Variants in PPP3CA observed in about 807,000 individuals in gnomAD.
PPP3CA encodes the protein protein phosphatase 3 catalytic subunit alpha.
PPP3CA carries 14 observed loss-of-function variants against 66.5 expected under a neutral mutation model. That is an observed-to-expected ratio of 0.21 (90% CI 0.14 to 0.33). PPP3CA has a LOEUF of 0.33. Among genes scored for constraint, PPP3CA ranks in the 10% least tolerant of loss-of-function variants. The probability of loss-of-function intolerance (pLI) is 1.00; values close to 1 mark genes in which losing one functional copy is unlikely to be tolerated. For synonymous variants in PPP3CA, 232 were observed against 226.2 expected, an observed-to-expected ratio of 1.03 and a Z score of -0.23; for missense variants, 317 against 639.5, an observed-to-expected ratio of 0.50 and a Z score of 5.44.
chr4:101,331,148 T>G (rs1473946831), intron 1 of PPP3CA, among the ~76,000 whole-genome samples: 1 of 152,176 alleles, frequency 6.6e-6, no homozygotes, highest in Non-Finnish European at 1.5e-5. Context: ...TCTAATATAT[T>G]TGGCCTCATC....
chr4:101,051,453 T>A (rs546460129), intron 10 of PPP3CA, among the ~76,000 whole-genome samples: 159 of 152,242 alleles, frequency 1.0e-3, no homozygotes, highest in Non-Finnish European at 1.1e-3. Flanking sequence ...AATGCTTTAG[T>A]ACAAAGAGAA....
Position 101,162,021 on chromosome 4 carries a change from C to G in PPP3CA, c.259+33895G>C, listed in dbSNP as rs181299817. ...CTGTGAGGCCGAGGCTGGCGGATCACCTGAGGTCAGGAGTTCGAAACCGGC... is the reference window on the plus strand; with the variant it reads ...CTGTGAGGCCGAGGCTGGCGGATCAGCTGAGGTCAGGAGTTCGAAACCGGC... On this transcript the variant is annotated intron_variant, in intron 2 of 13. Coordinates refer to ENST00000394854, the MANE Select transcript of PPP3CA (RefSeq NM_000944.5). Among the ~76,000 whole-genome samples, 234 of 152,276 alleles carry G rather than the reference C, an allele frequency of 1.5e-3. 1 individual carries two copies. The highest frequency in any genetic ancestry group is 5.4e-3 in the African/African-American group (224 of 41,544).
rs541388003 is a variant in PPP3CA at position 101,336,522 on chromosome 4, A to T, written c.58+10217T>A. 5.3e-5 allele frequency among the ~76,000 whole-genome samples: 8 copies of T among 151,902 alleles called. 1 individual carries two copies. The East Asian group carries it at 1.2e-3, about 22-fold the overall frequency. On this transcript the variant is annotated intron_variant, in intron 1 of 13. Transcript: ENST00000394854. ...CAGGAGCCGGAGGTTGCAGTGAGCC[A>T]AGATCGTGCCACTGCACTCCAGCCT...
chr4:101,221,949 T>G (rs1057028564), intron 1 of PPP3CA, among the ~76,000 whole-genome samples: 3 of 151,594 alleles, frequency 2.0e-5, no homozygotes, highest in Admixed American at 2.0e-4. Flanking sequence ...CAAACACACT[T>G]AAAAATAGGA....
At chr4:101,264,546 C>A (rs537703260) in intron 1 of PPP3CA, among the ~76,000 whole-genome samples, 1 of 152,178 alleles carries the variant, frequency 6.6e-6, no homozygotes, top group East Asian at 1.9e-4. Flanking sequence ...TTTTTGAGAC[C>A]AGCAAGCAAT....
chr4:101,123,390 G>A (rs1174667646), intron 2 of PPP3CA, among the ~76,000 whole-genome samples: 1 of 152,162 alleles, frequency 6.6e-6, no homozygotes, highest in Non-Finnish European at 1.5e-5. Flanking sequence ...GAAACTTGAT[G>A]AATGAAGAGG....
chr4:101,329,640 C>G (rs1729316618), intron 1 of PPP3CA, among the ~76,000 whole-genome samples: 1 of 152,112 alleles, frequency 6.6e-6, no homozygotes, highest in Admixed American at 6.6e-5. Context: ...GACAGGCTGA[C>G]TCTCTTTTTA....
intron 3 of PPP3CA, among the ~76,000 whole-genome samples, chr4:101,108,540 C>A (rs960716923): frequency 6.6e-6 from 1 of 152,032 alleles, no homozygotes; most frequent in Non-Finnish European, 1.5e-5. Context: ...CCGAGGTGGG[C>A]GGATCATCTG....
At position 101,088,709 on chromosome 4, in the gene PPP3CA, A is replaced by G. The variant is rs567282836; in HGVS notation, c.782+5067T>C. Among the ~76,000 whole-genome samples, 3 of 152,254 alleles carry G rather than the reference A, an allele frequency of 2.0e-5. No individual in the cohort carries two copies. The East Asian group carries it at 5.8e-4, about 29-fold the overall frequency. ...AAATTCTCAAAAAAGATACCCATGA[A>G]TGGAACAGTATGCATTGGGTAGAGG... is the stretch of plus-strand genomic sequence containing the variant. On this transcript the variant is annotated intron_variant, in intron 6 of 13. Transcript: ENST00000394854.
intron 5 of PPP3CA, among the ~76,000 whole-genome samples, chr4:101,095,431 T>G (rs2110251188): frequency 6.6e-6 from 1 of 152,168 alleles, no homozygotes; most frequent in African/African-American, 2.4e-5. Flanking sequence ...CAAAAAAACT[T>G]GATATATGGC....
chr4:101,029,951 A>G (rs916386909), intron 12 of PPP3CA, among the ~76,000 whole-genome samples: 3 of 152,040 alleles, frequency 2.0e-5, no homozygotes, highest in African/African-American at 7.2e-5. Context: ...AATTCTTAAA[A>G]TGTTACAAAT....
chr4:101,098,935 A>G (rs1033055551), intron 4 of PPP3CA, among the ~76,000 whole-genome samples: 6 of 152,136 alleles, frequency 3.9e-5, no homozygotes, highest in African/African-American at 1.4e-4. Context: ...CTTACTGCAC[A>G]TTGCTTTTCC....
rs1013898071 is a variant in PPP3CA, at chr4:101,314,331, G to A, written c.58+32408C>T. Among the ~76,000 whole-genome samples the A allele has an allele frequency of 4.6e-5, 7 of 152,012 alleles. No homozygotes were observed. In the East Asian group the frequency reaches 5.8e-4, roughly 13 times the overall value. On this transcript the variant is annotated intron_variant, in intron 1 of 13. Transcript: ENST00000394854. ...TACCAAAAAATTTAATTTTCAGGCC[G>A]AGGCAGGCGGATCATGAGGTCAGGA...
intron 8 of PPP3CA, among the ~76,000 whole-genome samples, chr4:101,069,852 T>G (rs1239325545): frequency 1.3e-5 from 2 of 152,222 alleles, no homozygotes; most frequent in African/African-American, 4.8e-5. Context: ...GTTTTGTGTA[T>G]TATATACTAT....
At chr4:101,318,937 A>G in intron 1 of PPP3CA, among the ~76,000 whole-genome samples, 1 of 152,050 alleles carries the variant, frequency 6.6e-6, no homozygotes, top group Admixed American at 6.6e-5. Flanking sequence ...CACTTCTTTC[A>G]AACTCTCTAT....
At chr4:101,115,040 G>A (rs1721797494) in intron 2 of PPP3CA, among the ~76,000 whole-genome samples, 1 of 151,998 alleles carries the variant, frequency 6.6e-6, no homozygotes, top group Non-Finnish European at 1.5e-5. Flanking sequence ...AATGGGTGGT[G>A]TGGTAGTCCA....
intron 5 of PPP3CA, 48 bp from the exon 6 acceptor site, chr4:101,093,963 T>C (rs913971349): frequency 2.7e-5 from 41 of 1,518,686 alleles, no homozygotes; most frequent in Non-Finnish European, 3.3e-5. Context: ...TTTGGAAACT[T>C]AGAATTCTGA....
At chr4:101,105,191 G>A (rs1156902528) in intron 3 of PPP3CA, among the ~76,000 whole-genome samples, 4 of 143,960 alleles carry the variant, frequency 2.8e-5, no homozygotes, top group African/African-American at 1.0e-4. Flanking sequence ...TCTTTAAGAT[G>A]GAGTCTTGCT....
intron 2 of PPP3CA, among the ~76,000 whole-genome samples, chr4:101,132,695 T>C (rs912096720): frequency 1.4e-4 from 21 of 152,150 alleles, no homozygotes; most frequent in Non-Finnish European, 2.5e-4. Flanking sequence ...TACCATTTCA[T>C]GTGAAAATAT....
Sources: gnomAD v4.1 joint callset for allele counts (sites outside exome capture counted in the v4.1 genomes callset) on GRCh38, gnomAD v4.1.1 for gene constraint, MANE v1.5 for transcripts, NCBI Gene and HGNC (gene_info 2026-07-23, HGNC 2026-07-21) for gene names.